The following TAFA1 variants were observed in gnomAD, a reference collection of about 807,000 sequenced individuals.
TAFA1 encodes chemokine-like protein TAFA-1.
Under a neutral mutation model 18.5 loss-of-function variants are expected in TAFA1, and 4 were observed. That is an observed-to-expected ratio of 0.22 (90% CI 0.11 to 0.49). The LOEUF (loss-of-function observed/expected upper bound fraction) is 0.49. Ranked by LOEUF, TAFA1 falls within the 20% of genes least tolerant of loss-of-function variation. The pLI, the probability that TAFA1 is intolerant of heterozygous loss-of-function variation, is 0.98. For missense variants in TAFA1, 147 were observed against 169.0 expected (o/e 0.87, Z 0.72); for synonymous variants, 56 against 55.2 (o/e 1.01, Z -0.06).
At chr3:68,141,123 C>T (rs2065662925) in intron 2 of TAFA1, among the ~76,000 whole-genome samples, 1 of 152,148 alleles carries the variant, frequency 6.6e-6, no homozygotes, top group Non-Finnish European at 1.5e-5. Context: ...GCATTAATAA[C>T]CTCAGCTCTT....
chr3:68,352,067 A>G (rs899492079), intron 2 of TAFA1, among the ~76,000 whole-genome samples: 4 of 152,010 alleles, frequency 2.6e-5, no homozygotes, highest in Non-Finnish European at 5.9e-5. Flanking sequence ...AGAATACACA[A>G]TTGTGGGAGA....
chr3:68,152,753 C>T (rs1465948051), intron 2 of TAFA1, among the ~76,000 whole-genome samples: 1 of 152,142 alleles, frequency 6.6e-6, no homozygotes, highest in Non-Finnish European at 1.5e-5. Flanking sequence ...TGGCCCCCAC[C>T]ATCTCCAGGC....
upstream of TAFA1, among the ~76,000 whole-genome samples, chr3:68,001,120 G>T (rs1360824744): frequency 2.6e-5 from 4 of 152,108 alleles, no homozygotes; most frequent in Non-Finnish European, 5.9e-5. Flanking sequence ...AAATATACAT[G>T]TATTGCTTTG....
intron 2 of TAFA1, among the ~76,000 whole-genome samples, chr3:68,142,546 T>A (rs1018671529): frequency 2.6e-5 from 4 of 152,174 alleles, no homozygotes; most frequent in Admixed American, 6.5e-5. Context: ...AGGTCTCAGC[T>A]TCAGATGCTG....
chr3:68,257,568 T>C (rs530991678), intron 2 of TAFA1, among the ~76,000 whole-genome samples: 9 of 152,222 alleles, frequency 5.9e-5, no homozygotes, highest in Non-Finnish European at 1.0e-4. Flanking sequence ...GCTAAGTGCA[T>C]AATACTCATG....
At chr3:68,189,333 T>C (rs1023497055) in intron 2 of TAFA1, among the ~76,000 whole-genome samples, 1 of 151,922 alleles carries the variant, frequency 6.6e-6, no homozygotes, top group Non-Finnish European at 1.5e-5. Flanking sequence ...GCAACTTTTG[T>C]TAAATGTTGC....
chr3:68,167,843 A>T (rs1575656820), intron 2 of TAFA1, among the ~76,000 whole-genome samples: 1 of 152,078 alleles, frequency 6.6e-6, no homozygotes, highest in Admixed American at 6.5e-5. Context: ...GCATCACTGT[A>T]CTCCAGCCTG....
At position 68,167,493 on chromosome 3, in the gene TAFA1, C is replaced by T. The variant is rs139117137; in HGVS notation, c.118+160749C>T. Among the ~76,000 whole-genome samples, 1,083 of 151,068 alleles carry T rather than the reference C, an allele frequency of 7.2e-3. 15 individuals carry two copies. The highest frequency in any genetic ancestry group is 0.025 in the African/African-American group (1,036 of 41,174). On this transcript the variant is annotated intron_variant, in intron 2 of 4. Transcript: ENST00000478136. ...TCGGGAGGCTGAGGCAGGAGAATGG[C>T]CTGGACCTGGGAGGCGGAGCTTGTA... is the stretch of plus-strand genomic sequence containing the variant.
intron 2 of TAFA1, among the ~76,000 whole-genome samples, chr3:68,167,438 G>T (rs978054992): frequency 6.6e-6 from 1 of 152,020 alleles, no homozygotes; most frequent in Non-Finnish European, 1.5e-5. Context: ...ATTGCCGGGC[G>T]TGGCGGCGTG....
rs866372714 is a variant in TAFA1, at chr3:68,107,020, G to A, written c.118+100276G>A. ...CAAAACACCTTTGAAAAACAGTTTG[G>A]CAGTTTCTTATAAAGTAAAATACAG... On this transcript the variant is annotated intron_variant, in intron 2 of 4. Coordinates refer to ENST00000478136, the MANE Select transcript of TAFA1 (RefSeq NM_213609.4). 2.3e-4 allele frequency among the ~76,000 whole-genome samples: 35 copies of A among 152,222 alleles called. No homozygotes were observed. In the Middle Eastern group the frequency reaches 0.01, roughly 44 times the overall value.
At chr3:68,191,800 C>T (rs2066343745) in intron 2 of TAFA1, among the ~76,000 whole-genome samples, 1 of 151,724 alleles carries the variant, frequency 6.6e-6, no homozygotes, top group Non-Finnish European at 1.5e-5. Context: ...ATAATGGGCA[C>T]CTGATTTTCA....
intron 2 of TAFA1, among the ~76,000 whole-genome samples, chr3:68,082,012 G>C (rs183783545): frequency 8.5e-5 from 13 of 152,052 alleles, no homozygotes; most frequent in Non-Finnish European, 1.5e-4. Context: ...ATATAATCTC[G>C]TGGTGCGCTG....
At chr3:68,411,342 A>G (rs1446950017) in intron 2 of TAFA1, among the ~76,000 whole-genome samples, 1 of 152,186 alleles carries the variant, frequency 6.6e-6, no homozygotes, top group African/African-American at 2.4e-5. Flanking sequence ...TACCAAAGGC[A>G]TACACCCTTC....
intron 2 of TAFA1, among the ~76,000 whole-genome samples, chr3:68,183,412 C>G (rs988085887): frequency 1.3e-5 from 2 of 152,104 alleles, no homozygotes; most frequent in Admixed American, 1.3e-4. Context: ...TATTATGTTT[C>G]AGATACATTG....
intron 2 of TAFA1, among the ~76,000 whole-genome samples, chr3:68,368,865 G>A (rs916458600): frequency 3.9e-5 from 6 of 152,140 alleles, no homozygotes; most frequent in Non-Finnish European, 8.8e-5. Flanking sequence ...TTCTGAATTC[G>A]TTGCTTATAC....
At chr3:68,469,502 G>A (rs199868891) in intron 3 of TAFA1, among the ~76,000 whole-genome samples, 3 of 152,028 alleles carry the variant, frequency 2.0e-5, no homozygotes, top group South Asian at 2.1e-4. Context: ...GTGAAACCCC[G>A]TCTCTACTAA....
At chr3:68,301,634 GA>G (rs2068304329) in intron 2 of TAFA1, among the ~76,000 whole-genome samples, 1 of 151,902 alleles carries the variant, frequency 6.6e-6, no homozygotes, top group African/African-American at 2.4e-5. Context: ...TCTCTGCACT[GA>G]AAAGATGGAT....
intron 2 of TAFA1, among the ~76,000 whole-genome samples, chr3:68,148,018 A>G (rs765034591): frequency 2.0e-5 from 3 of 152,254 alleles, no homozygotes; most frequent in Non-Finnish European, 2.9e-5. Flanking sequence ...GAGAAAAAGC[A>G]GGACTCTGCT....
chr3:68,448,446 ACT>A lies in TAFA1; in HGVS notation c.259+31029_259+31030del, dbSNP rs2071509620. Among the ~76,000 whole-genome samples, 2 of 152,272 alleles carry A rather than the reference ACT, an allele frequency of 1.3e-5. 1 individual carries two copies. The highest frequency in any genetic ancestry group is 2.9e-5 in the Non-Finnish European group (2 of 68,032). On this transcript the variant is annotated intron_variant, in intron 3 of 4. Transcript: ENST00000478136. ...GAAGAGCATAAACAATGTTTCAATG[ACT>A]CTATTAATACGACGACTGTACTGTT...
Sources: gnomAD v4.1 joint callset for allele counts (sites outside exome capture counted in the v4.1 genomes callset) on GRCh38, gnomAD v4.1.1 for gene constraint, MANE v1.5 for transcripts, NCBI Gene and HGNC (gene_info 2026-07-23, HGNC 2026-07-21) for gene names.